RBFOX1: variants seen among roughly 807,000 people sequenced by gnomAD.
RBFOX1 encodes RNA binding protein fox-1 homolog 1.
A neutral mutation model predicts 57.7 loss-of-function variants in RBFOX1; 8 were observed. That is an observed-to-expected ratio of 0.14 (90% confidence interval 0.08 to 0.25). RBFOX1 has a LOEUF of 0.25. RBFOX1 is among the 10% of genes least tolerant of loss of function. The pLI, the probability that RBFOX1 is intolerant of heterozygous loss-of-function variation, is 1.00. For missense variants in RBFOX1, 611 were observed against 548.5 expected (o/e 1.11, Z -1.14); for synonymous variants, 326 against 222.4 (o/e 1.47, Z -4.15).
intron 4 of RBFOX1, among the ~76,000 whole-genome samples, chr16:7,102,191 G>C (rs2062815645): frequency 6.6e-6 from 1 of 152,186 alleles, no homozygotes; most frequent in Non-Finnish European, 1.5e-5. Context: ...TTAAGCCACT[G>C]TTTGCAGGGG....
intron 4 of RBFOX1, among the ~76,000 whole-genome samples, chr16:5,919,773 G>A (rs2058780804): frequency 1.3e-5 from 2 of 152,116 alleles, no homozygotes; most frequent in African/African-American, 4.8e-5. Flanking sequence ...GAGTGACTCT[G>A]CATTCCCCTT....
intron 4 of RBFOX1, among the ~76,000 whole-genome samples, chr16:6,006,715 G>C (rs900996121): frequency 3.3e-5 from 5 of 152,192 alleles, no homozygotes; most frequent in African/African-American, 1.2e-4. Context: ...TAAAATATTG[G>C]TCTTGGATAT....
chr16:7,412,097 C>T (rs1360148780), intron 4 of RBFOX1, among the ~76,000 whole-genome samples: 2 of 151,928 alleles, frequency 1.3e-5, no homozygotes, highest in Non-Finnish European at 2.9e-5. Flanking sequence ...CATAGTGGTT[C>T]CTTAGTTGTG....
intron 3 of RBFOX1, among the ~76,000 whole-genome samples, chr16:6,810,908 GACGGAGCC>G (rs1220078979): frequency 2.6e-5 from 4 of 152,156 alleles, no homozygotes; most frequent in Non-Finnish European, 4.4e-5. Flanking sequence ...TTTGGGTGGA[GACGGAGCC>G]AAATCATATC....
chr16:6,657,282 A>G (rs961478737), intron 3 of RBFOX1, among the ~76,000 whole-genome samples: 4 of 151,388 alleles, frequency 2.6e-5, no homozygotes, highest in African/African-American at 4.9e-5. Flanking sequence ...TACTCACGCT[A>G]TAGTTTCTCT....
intron 1 of RBFOX1, among the ~76,000 whole-genome samples, chr16:6,254,213 T>C (rs2097646383): frequency 6.6e-6 from 1 of 152,182 alleles, no homozygotes; most frequent in South Asian, 2.1e-4. Flanking sequence ...ATTGCCTGTC[T>C]GTATAGGTTA....
At chr16:5,792,804 C>G (rs559977864) in intron 3 of RBFOX1, among the ~76,000 whole-genome samples, 1 of 152,074 alleles carries the variant, frequency 6.6e-6, no homozygotes, top group African/African-American at 2.4e-5. Flanking sequence ...GATCGTGCCA[C>G]TGCACTCCAG....
chr16:6,937,723 G>C (rs2077620610), intron 3 of RBFOX1, among the ~76,000 whole-genome samples: 1 of 152,156 alleles, frequency 6.6e-6, no homozygotes, highest in Non-Finnish European at 1.5e-5. Flanking sequence ...AGAAAAGAAT[G>C]TCTGGGTTAG....
intron 1 of RBFOX1, among the ~76,000 whole-genome samples, chr16:5,440,639 C>G (rs964300031): frequency 2.0e-5 from 3 of 152,150 alleles, no homozygotes; most frequent in Non-Finnish European, 2.9e-5. Context: ...AGAAGCAAGA[C>G]TGGCTGGAGG....
chr16:5,481,544 G>A (rs1279954166), intron 2 of RBFOX1, among the ~76,000 whole-genome samples: 1 of 152,166 alleles, frequency 6.6e-6, no homozygotes, highest in Non-Finnish European at 1.5e-5. Flanking sequence ...AAGTTGTGTT[G>A]TTGTTTTGTT....
intron 2 of RBFOX1, among the ~76,000 whole-genome samples, chr16:6,654,166 A>G (rs1011701122): frequency 1.4e-5 from 2 of 147,486 alleles, no homozygotes; most frequent in Admixed American, 1.3e-4. Context: ...GAATGGATGG[A>G]TGGTTGGATG....
At chr16:7,431,981 C>G (rs1436440022) in intron 4 of RBFOX1, among the ~76,000 whole-genome samples, 4 of 152,250 alleles carry the variant, frequency 2.6e-5, no homozygotes, top group Middle Eastern at 3.2e-3. Context: ...AGCATTCCCA[C>G]CAGTGGGCAG....
At chr16:6,177,271 A>G (rs2097019411) in intron 1 of RBFOX1, among the ~76,000 whole-genome samples, 1 of 150,788 alleles carries the variant, frequency 6.6e-6, no homozygotes, top group Admixed American at 6.6e-5. Flanking sequence ...TAAAATAAAT[A>G]GCTTTTTCTT....
intron 3 of RBFOX1, among the ~76,000 whole-genome samples, chr16:6,925,079 G>C (rs1444903772): frequency 8.7e-6 from 1 of 114,610 alleles, no homozygotes; most frequent in Admixed American, 1.0e-4. Flanking sequence ...TCTTAATCCA[G>C]TCTATCGTTG....
At chr16:6,447,488 A>G (rs1010756278) in intron 2 of RBFOX1, among the ~76,000 whole-genome samples, 9 of 152,316 alleles carry the variant, frequency 5.9e-5, no homozygotes, top group South Asian at 2.1e-4. Flanking sequence ...ATGACTTTCA[A>G]TCATTTTAGT....
intron 3 of RBFOX1, among the ~76,000 whole-genome samples, chr16:7,050,394 T>G (rs966608002): frequency 4.1e-4 from 63 of 151,826 alleles, no homozygotes; most frequent in Admixed American, 1.4e-3. Flanking sequence ...GCCAACTGAG[T>G]AGCTGGGATT....
intron 1 of RBFOX1, among the ~76,000 whole-genome samples, chr16:6,117,186 G>C (rs2096505553): frequency 6.6e-6 from 1 of 152,076 alleles, no homozygotes; most frequent in African/African-American, 2.4e-5. Flanking sequence ...CTGTGAAAAG[G>C]GTGAGAGTTC....
At chr16:6,908,963 C>G (rs941984534) in intron 3 of RBFOX1, among the ~76,000 whole-genome samples, 1 of 152,186 alleles carries the variant, frequency 6.6e-6, no homozygotes, top group Non-Finnish European at 1.5e-5. Context: ...CCAACACGCT[C>G]TCTCTGGGGG....
chr16:7,473,351 C>T (rs976765885), intron 4 of RBFOX1, among the ~76,000 whole-genome samples: 2 of 150,646 alleles, frequency 1.3e-5, no homozygotes, highest in African/African-American at 4.9e-5. Flanking sequence ...GCACTAGAAC[C>T]TGGGTGACAG....
Sources: gnomAD v4.1 joint callset for allele counts (sites outside exome capture counted in the v4.1 genomes callset) on GRCh38, gnomAD v4.1.1 for gene constraint, MANE v1.5 for transcripts, NCBI Gene and HGNC (gene_info 2026-07-23, HGNC 2026-07-21) for gene names.